PAM: variants seen among roughly 807,000 people sequenced by gnomAD.
PAM encodes the protein peptidylglycine alpha-amidating monooxygenase, also known as peptidyl-glycine alpha-amidating monooxygenase.
Under a neutral mutation model 122.1 loss-of-function variants are expected in PAM, and 72 were observed. That is an observed-to-expected ratio of 0.59 (90% CI 0.49 to 0.72). The LOEUF (loss-of-function observed/expected upper bound fraction) is 0.72. Ranked by LOEUF, PAM falls within the 30% of genes least tolerant of loss-of-function variation. The pLI is 0.00. For missense variants in PAM, 1,106 were observed against 1,183.7 expected, an observed-to-expected ratio of 0.93 and a Z score of 0.96; for synonymous variants, 389 against 404.4, an observed-to-expected ratio of 0.96 and a Z score of 0.46.
At chr5:102,831,951 C>T (rs559612890) in intron 1 of PAM, among the ~76,000 whole-genome samples, 25 of 152,112 alleles carry the variant, frequency 1.6e-4, no homozygotes, top group African/African-American at 6.0e-4. Context: ...TTTCCTATGC[C>T]ACACTCATGT....
chr5:103,017,291 G>C, intron 21 of PAM, 43 bp from the exon 22 acceptor site: 1 of 1,205,266 alleles, frequency 8.3e-7, no homozygotes, highest in South Asian at 1.3e-5. Context: ...AAGGATTCAA[G>C]TAAAGGCTCA....
At chr5:102,768,800 CAGAT>C (rs748521749) in intron 1 of PAM, among the ~76,000 whole-genome samples, 8 of 152,110 alleles carry the variant, frequency 5.3e-5, no homozygotes, top group Non-Finnish European at 1.0e-4. Flanking sequence ...TATCAGAGTG[CAGAT>C]ATCTCTTCAA....
chr5:102,783,989 A>C (rs111499436), intron 1 of PAM, among the ~76,000 whole-genome samples: 5,733 of 151,382 alleles, frequency 0.038, 224 homozygotes, highest in East Asian at 0.16. Flanking sequence ...CTCCGCCTCC[A>C]GGGTTCACGC....
intron 1 of PAM, among the ~76,000 whole-genome samples, chr5:102,839,732 A>G (rs865909390): frequency 2.0e-5 from 3 of 152,178 alleles, no homozygotes; most frequent in Non-Finnish European, 2.9e-5. Context: ...GTAGCCTAAT[A>G]TCAGAAAATC....
chr5:102,857,256 G>A (rs930705349), intron 1 of PAM, among the ~76,000 whole-genome samples: 9 of 152,186 alleles, frequency 5.9e-5, no homozygotes, highest in East Asian at 1.9e-4. Context: ...GGCAGTCTGC[G>A]GATTGCTGGC....
At chr5:102,993,539 G>A (rs1006729696) in intron 16 of PAM, among the ~76,000 whole-genome samples, 1 of 152,076 alleles carries the variant, frequency 6.6e-6, no homozygotes, top group African/African-American at 2.4e-5. Flanking sequence ...TTCTCTTGGA[G>A]TTGGAAGGGA....
chr5:102,784,756 CATTT>C (rs1399950166), intron 1 of PAM, among the ~76,000 whole-genome samples: 1 of 152,194 alleles, frequency 6.6e-6, no homozygotes, highest in Non-Finnish European at 1.5e-5. Context: ...TATATTATCT[CATTT>C]AATTCACACA....
chr5:102,848,205 G>A (rs990087796), intron 1 of PAM, among the ~76,000 whole-genome samples: 3 of 151,338 alleles, frequency 2.0e-5, no homozygotes, highest in African/African-American at 7.3e-5. Flanking sequence ...GAACTTGACT[G>A]TTCTTTACTT....
intron 14 of PAM, among the ~76,000 whole-genome samples, chr5:102,968,109 T>C (rs926917007): frequency 3.3e-5 from 5 of 152,180 alleles, no homozygotes; most frequent in Admixed American, 6.6e-5. Context: ...TGTGTTACGA[T>C]ATGGACAAGA....
At chr5:102,931,807 A>ACT (rs60775669) in intron 7 of PAM, among the ~76,000 whole-genome samples, 38,388 of 141,242 alleles carry the variant, frequency 0.27, 5,027 homozygotes, top group East Asian at 0.45. Flanking sequence ...CAAACAACAC[A>ACT]CTCTCTCTCT....
intron 3 of PAM, among the ~76,000 whole-genome samples, chr5:102,875,442 C>T (rs1333303360): frequency 1.3e-5 from 2 of 152,160 alleles, no homozygotes; most frequent in African/African-American, 2.4e-5. Context: ...GATCATCCTG[C>T]CTCGGTCTCC....
At chr5:102,959,236 T>C (rs943231460) in intron 12 of PAM, among the ~76,000 whole-genome samples, 3 of 152,066 alleles carry the variant, frequency 2.0e-5, no homozygotes, top group African/African-American at 7.2e-5. Flanking sequence ...TCATTTTGAG[T>C]CATTCCTGAG....
chr5:102,769,270 A>G (rs1240468966), intron 1 of PAM, among the ~76,000 whole-genome samples: 1 of 152,078 alleles, frequency 6.6e-6, no homozygotes, highest in Non-Finnish European at 1.5e-5. Flanking sequence ...TCAGATGGAT[A>G]GTGTGCAAAT....
chr5:102,877,089 T>C (rs536846170), intron 3 of PAM, among the ~76,000 whole-genome samples: 1 of 152,352 alleles, frequency 6.6e-6, no homozygotes, highest in African/African-American at 2.4e-5. Context: ...CACCACTTGC[T>C]GGCTGCAAGA....
chr5:102,835,470 AG>A (rs1195301064), intron 1 of PAM, among the ~76,000 whole-genome samples: 1 of 152,176 alleles, frequency 6.6e-6, no homozygotes, highest in African/African-American at 2.4e-5. Context: ...ACTTAAAAAC[AG>A]GAACATTTTC....
chr5:102,930,302 A>T (rs1751033409), intron 7 of PAM, among the ~76,000 whole-genome samples: 3 of 152,154 alleles, frequency 2.0e-5, no homozygotes, highest in African/African-American at 7.2e-5. Flanking sequence ...AATAATGCAT[A>T]CTGGATCTGA....
rs1199747100 is a variant in PAM at position 103,007,697 on chromosome 5, G to A, written c.2215+40G>A. ...TATGTTTGTTGTCTTCTGTCCTACTGTACTCTATCCTTAAAAATTGTGTTA... is the reference window on the plus strand; with the variant it reads ...TATGTTTGTTGTCTTCTGTCCTACTATACTCTATCCTTAAAAATTGTGTTA... On this transcript the variant is annotated intron_variant, in intron 20 of 25. Transcript: ENST00000438793. 2.4e-6 allele frequency: 3 copies of A among 1,269,706 alleles called. No homozygotes were observed. In the African/African-American group the frequency reaches 4.4e-5, roughly 19 times the overall value. The allele number at this position is 1,269,706 out of a possible 1,614,324, so 78.7% of individuals were successfully genotyped here.
At chr5:102,857,202 C>T (rs1351407946) in intron 1 of PAM, among the ~76,000 whole-genome samples, 2 of 152,152 alleles carry the variant, frequency 1.3e-5, no homozygotes, top group East Asian at 3.9e-4. Context: ...ACAGCTACTC[C>T]TAGCCTCAGA....
At chr5:102,786,422 T>C (rs964179747) in intron 1 of PAM, among the ~76,000 whole-genome samples, 6 of 152,208 alleles carry the variant, frequency 3.9e-5, no homozygotes, top group Non-Finnish European at 5.9e-5. Context: ...TAGTGTAAGC[T>C]CTTATTAATA....
Sources: allele counts gnomAD v4.1 joint callset (sites outside exome capture counted in the v4.1 genomes callset), GRCh38; gene constraint gnomAD v4.1.1; transcripts MANE v1.5; gene names NCBI Gene and HGNC (gene_info 2026-07-23, HGNC 2026-07-21).